ZSWIM6: variants seen among roughly 807,000 people sequenced by gnomAD.
ZSWIM6 encodes zinc finger SWIM domain-containing protein 6.
ZSWIM6 carries 9 observed loss-of-function variants against 113.2 expected under a neutral mutation model. That is an observed-to-expected ratio of 0.08 (90% CI 0.05 to 0.14). The LOEUF (loss-of-function observed/expected upper bound fraction) is 0.14. Ranked by LOEUF, ZSWIM6 falls within the 10% of genes least tolerant of loss-of-function variation. The pLI, the probability that ZSWIM6 is intolerant of heterozygous loss-of-function variation, is 1.00. For missense variants in ZSWIM6, 1,162 were observed against 1,552.2 expected (o/e 0.75, Z 4.22); for synonymous variants, 611 against 606.5 (o/e 1.01, Z -0.11).
At chr5:61,367,314 G>A (rs1179954654) in intron 1 of ZSWIM6, among the ~76,000 whole-genome samples, 1 of 152,002 alleles carries the variant, frequency 6.6e-6, no homozygotes, top group Non-Finnish European at 1.5e-5. Flanking sequence ...TAGGTACAGT[G>A]GTGCAGTTAT....
intron 1 of ZSWIM6, among the ~76,000 whole-genome samples, chr5:61,404,853 A>T (rs192207127): frequency 1.3e-5 from 2 of 152,294 alleles, no homozygotes; most frequent in East Asian, 3.9e-4. Context: ...TACTTAAGGA[A>T]GTCTGGGGCT....
intron 1 of ZSWIM6, among the ~76,000 whole-genome samples, chr5:61,366,131 A>T (rs1307575605): frequency 6.6e-6 from 1 of 152,186 alleles, no homozygotes; most frequent in East Asian, 1.9e-4. Context: ...CTGGGCTCTC[A>T]GCGATCTGCC....
intron 1 of ZSWIM6, among the ~76,000 whole-genome samples, chr5:61,366,289 C>T (rs967173876): frequency 2.0e-5 from 3 of 152,190 alleles, no homozygotes; most frequent in Non-Finnish European, 4.4e-5. Context: ...CCAACCTGTA[C>T]CCACTTTGCC....
At chr5:61,367,249 TTTTTTC>T in intron 1 of ZSWIM6, among the ~76,000 whole-genome samples, 1 of 152,086 alleles carries the variant, frequency 6.6e-6, no homozygotes. Flanking sequence ...CTTAAGTGCC[TTTTTTC>T]TTTTTCTTTT....
intron 9 of ZSWIM6, among the ~76,000 whole-genome samples, chr5:61,533,180 C>T (rs1749487050): frequency 6.6e-6 from 1 of 152,230 alleles, no homozygotes; most frequent in South Asian, 2.1e-4. Flanking sequence ...CTTCTCCTTT[C>T]CTGGCCCTGC....
intron 7 of ZSWIM6, among the ~76,000 whole-genome samples, chr5:61,529,360 A>G (rs1749371352): frequency 6.6e-6 from 1 of 152,268 alleles, no homozygotes; most frequent in Admixed American, 6.5e-5. Context: ...ATATTCTGTG[A>G]AGAAAATGAA....
At chr5:61,410,412 C>T (rs1220305576) in intron 1 of ZSWIM6, among the ~76,000 whole-genome samples, 2 of 149,748 alleles carry the variant, frequency 1.3e-5, no homozygotes, top group Non-Finnish European at 3.0e-5. Context: ...CTGGTTCAGG[C>T]GATTCTCCTG....
chr5:61,399,774 C>T (rs543111909), intron 1 of ZSWIM6, among the ~76,000 whole-genome samples: 1 of 152,194 alleles, frequency 6.6e-6, no homozygotes, highest in Non-Finnish European at 1.5e-5. Context: ...GAAAATACTT[C>T]CTCTGTAGGT....
intron 1 of ZSWIM6, among the ~76,000 whole-genome samples, chr5:61,370,444 C>T (rs1745242287): frequency 6.6e-6 from 1 of 152,162 alleles, no homozygotes. Flanking sequence ...ATTTTTATAT[C>T]TAGCTCTTTT....
At chr5:61,360,272 T>C (rs1175925835) in intron 1 of ZSWIM6, among the ~76,000 whole-genome samples, 3 of 152,222 alleles carry the variant, frequency 2.0e-5, no homozygotes, top group African/African-American at 7.2e-5. Flanking sequence ...TTGCAGTCTG[T>C]TGACAGTGTT....
intron 1 of ZSWIM6, among the ~76,000 whole-genome samples, chr5:61,395,721 AC>A (rs1201910973): frequency 6.6e-6 from 1 of 152,176 alleles, no homozygotes; most frequent in Admixed American, 6.6e-5. Flanking sequence ...TATTCACTTG[AC>A]CTTTTAAGCA....
intron 5 of ZSWIM6, among the ~76,000 whole-genome samples, chr5:61,525,253 C>T (rs1052842164): frequency 1.3e-5 from 2 of 152,142 alleles, no homozygotes; most frequent in African/African-American, 4.8e-5. Context: ...AGCATTATAT[C>T]CCAAGAAGCA....
At chr5:61,410,542 T>C (rs1746132807) in intron 1 of ZSWIM6, among the ~76,000 whole-genome samples, 1 of 152,004 alleles carries the variant, frequency 6.6e-6, no homozygotes. Context: ...TCTCCTGACC[T>C]CGTGATCCAC....
intron 5 of ZSWIM6, among the ~76,000 whole-genome samples, chr5:61,524,642 T>TGG (rs1749231319): frequency 6.6e-6 from 1 of 152,202 alleles, no homozygotes; most frequent in South Asian, 2.1e-4. Flanking sequence ...AGTCTCTTCT[T>TGG]CTCAATTCAG....
intron 1 of ZSWIM6, among the ~76,000 whole-genome samples, chr5:61,466,234 C>A (rs1185195341): frequency 6.6e-6 from 1 of 152,150 alleles, no homozygotes; most frequent in East Asian, 1.9e-4. Context: ...ATTAACTCAT[C>A]TACTTTACCA....
At chr5:61,451,571 T>C (rs1205511944) in intron 1 of ZSWIM6, among the ~76,000 whole-genome samples, 1 of 152,144 alleles carries the variant, frequency 6.6e-6, no homozygotes, top group Non-Finnish European at 1.5e-5. Context: ...TTTCCCAGCA[T>C]AGACAAACTT....
chr5:61,485,603 G>A (rs532106267), intron 2 of ZSWIM6, among the ~76,000 whole-genome samples: 10 of 151,992 alleles, frequency 6.6e-5, no homozygotes, highest in South Asian at 2.1e-4. Context: ...TTCATCTCCC[G>A]TGCTTCACAT....
At chr5:61,346,889 T>C (rs1333161912) in intron 1 of ZSWIM6, among the ~76,000 whole-genome samples, 1 of 152,252 alleles carries the variant, frequency 6.6e-6, no homozygotes, top group Admixed American at 6.5e-5. Flanking sequence ...GTTAAAATAC[T>C]CTATTCATTT....
chr5:61,335,173 G>C (rs1744367365), intron 1 of ZSWIM6, among the ~76,000 whole-genome samples: 1 of 152,254 alleles, frequency 6.6e-6, no homozygotes, highest in African/African-American at 2.4e-5. Context: ...AGGGGAAGAG[G>C]CCACTGAATG....
Sources: gnomAD v4.1 joint callset for allele counts (sites outside exome capture counted in the v4.1 genomes callset) on GRCh38, gnomAD v4.1.1 for gene constraint, MANE v1.5 for transcripts, NCBI Gene and HGNC (gene_info 2026-07-23, HGNC 2026-07-21) for gene names.